Variants in PCDHGB5 observed in about 807,000 individuals in gnomAD.
PCDHGB5 encodes protocadherin gamma-B5.
PCDHGB5 carries 48 observed loss-of-function variants against 62.9 expected under a neutral mutation model. That is an observed-to-expected ratio of 0.76 (90% CI 0.61 to 0.97). The LOEUF (loss-of-function observed/expected upper bound fraction) is 0.97. PCDHGB5 is among the 50% of genes least tolerant of loss of function. The probability of loss-of-function intolerance (pLI) is 0.00; values close to 1 mark genes in which losing one functional copy is unlikely to be tolerated. For synonymous variants in PCDHGB5, 474 were observed against 511.2 expected, an observed-to-expected ratio of 0.93 and a Z score of 0.98; for missense variants, 1,118 against 1,198.6, an observed-to-expected ratio of 0.93 and a Z score of 0.99.
At chr5:141,500,887 T>C (rs557735403) in intron 2 of PCDHGB5, among the ~76,000 whole-genome samples, 1 of 95,622 alleles carries the variant, frequency 1.0e-5, no homozygotes, top group South Asian at 2.8e-4. Context: ...ATTTTTTTTT[T>C]TTGAGACAGT....
intron 1 of PCDHGB5, chr5:141,422,118 ACAAACTGGAGAAGTT>A (rs1243312753): frequency 6.2e-7 from 1 of 1,604,312 alleles, no homozygotes; most frequent in Non-Finnish European, 8.5e-7. Flanking sequence ...AATTGGATTC[ACAAACTGGAGAAGTT>A]CAAGTACGGG....
rs925034052 is a variant in PCDHGB5, at chr5:141,486,630, T to G, written c.2398-8177T>G. 2 of 1,613,690 alleles carry G rather than the reference T, an allele frequency of 1.2e-6. No individual in the cohort carries two copies. Among genetic ancestry groups the G allele is most frequent in the Non-Finnish European group, 1.7e-6 (2 of 1,180,028 alleles). ...GCAGCCTCTGACCCAGACTCTGGCTTGAATGCGCTTATCTCCTACTCACTC... is the reference window on the plus strand; with the variant it reads ...GCAGCCTCTGACCCAGACTCTGGCTGGAATGCGCTTATCTCCTACTCACTC... On this transcript the variant is annotated intron_variant, in intron 1 of 3. Coordinates refer to ENST00000617380, the MANE Select transcript of PCDHGB5 (RefSeq NM_018925.3). This position sits in a 1 kb window ranked among gnomAD's most constrained non-coding sequence, Gnocchi z 5.0.
intron 1 of PCDHGB5, chr5:141,410,789 A>C: frequency 1.3e-6 from 1 of 794,444 alleles, no homozygotes; most frequent in Non-Finnish European, 1.8e-6. Context: ...TATTTGGTTC[A>C]TAAGTTGCTC....
chr5:141,436,118 T>C (rs188307595), intron 1 of PCDHGB5, among the ~76,000 whole-genome samples: 5 of 152,310 alleles, frequency 3.3e-5, no homozygotes, highest in Admixed American at 2.0e-4. Flanking sequence ...ATGAAACCTC[T>C]CTCCTCCATC....
chr5:141,429,234 T>C (rs2097199038), intron 1 of PCDHGB5: 1 of 152,114 alleles, frequency 6.6e-6, no homozygotes, highest in African/African-American at 2.4e-5. Context: ...ATGATACTGC[T>C]GTCATTGAGA....
Position 141,414,827 on chromosome 5 carries a change from C to T in PCDHGB5, c.2397+14303C>T, listed in dbSNP as rs1253521902. On this transcript the variant is annotated intron_variant, in intron 1 of 3. Coordinates refer to ENST00000617380, the MANE Select transcript of PCDHGB5 (RefSeq NM_018925.3). Reference sequence around the variant, plus strand: ...GATCCTCCACTCAGCAGCAACGTGTCGTTGAGCCTGTTTGTGCTGGACCAG... The same window carrying T: ...GATCCTCCACTCAGCAGCAACGTGTTGTTGAGCCTGTTTGTGCTGGACCAG... 1.9e-6 allele frequency: 3 copies of T among 1,614,116 alleles called. No individual in the cohort carries two copies. Among genetic ancestry groups the T allele is most frequent in the African/African-American group, 1.3e-5 (1 of 74,946 alleles).
At chr5:141,427,838 C>T (rs978867590) in intron 1 of PCDHGB5, 4 of 1,546,186 alleles carry the variant, frequency 2.6e-6, no homozygotes, top group Non-Finnish European at 1.8e-6. Flanking sequence ...AGCGTGCCTT[C>T]GACCACGAGC....
intron 1 of PCDHGB5, among the ~76,000 whole-genome samples, chr5:141,456,818 G>A (rs1214373156): frequency 1.3e-5 from 2 of 151,890 alleles, no homozygotes; most frequent in Admixed American, 6.6e-5. Context: ...CAAAAAATTA[G>A]CCATCGTGGT....
At chr5:141,425,606 G>A (rs1419859039) in intron 1 of PCDHGB5, among the ~76,000 whole-genome samples, 1 of 152,156 alleles carries the variant, frequency 6.6e-6, no homozygotes, top group Non-Finnish European at 1.5e-5. Context: ...GCCCTATATA[G>A]CTTTCAGTGC....
intron 1 of PCDHGB5, among the ~76,000 whole-genome samples, chr5:141,443,537 T>C (rs986467958): frequency 6.6e-6 from 1 of 152,180 alleles, no homozygotes; most frequent in African/African-American, 2.4e-5. Flanking sequence ...ATTTAAAGCT[T>C]GGGAAATTGT....
intron 2 of PCDHGB5, among the ~76,000 whole-genome samples, chr5:141,501,049 A>G (rs1458722311): frequency 1.3e-5 from 2 of 151,844 alleles, no homozygotes; most frequent in African/African-American, 2.4e-5. Flanking sequence ...TTGTATTTTT[A>G]GTAGAGACGG....
At chr5:141,417,637 A>ATCCCTCAGCCTCTAGCCTGGGAT (rs2096141530) in intron 1 of PCDHGB5, 1 of 724,654 alleles carries the variant, frequency 1.4e-6, no homozygotes, top group Admixed American at 3.5e-5. Flanking sequence ...GACGCCGGGG[A>ATCCCTCAGCCTCTAGCCTGGGAT]TCCCTCAGCC....
chr5:141,404,177 A>C, intron 1 of PCDHGB5: 1 of 1,613,448 alleles, frequency 6.2e-7, no homozygotes, highest in Non-Finnish European at 8.5e-7. Context: ...GACGGCCCAA[A>C]TTCTTGACCG....
intron 1 of PCDHGB5, chr5:141,413,078 C>T: frequency 7.7e-7 from 1 of 1,301,152 alleles, no homozygotes; most frequent in Non-Finnish European, 1.1e-6. Flanking sequence ...AGTGCCCAGG[C>T]TACAGAGACA....
In PCDHGB5 at chr5:141,398,411, T is replaced by C. The variant is rs1346480691; in HGVS notation, c.284T>C (p.Ile95Thr). Residue 95 changes from isoleucine to threonine, a missense_variant, in exon 1 of 4, where the codon ATA (isoleucine) becomes ACA (threonine). Ile to Thr is a moderately conservative substitution (Grantham distance 89). Coordinates refer to ENST00000617380, the MANE Select transcript of PCDHGB5 (RefSeq NM_018925.3). ...LVSSRLDREE[I>T]CGKKPACALE... is the part of the protein sequence containing the mutation. ...AGCAGCAGGCTAGACAGGGAGGAGA[T>C]ATGCGGGAAGAAGCCAGCTTGTGCT... is the stretch of plus-strand genomic sequence containing the variant. 1 of 1,478,640 alleles carries C rather than the reference T, an allele frequency of 6.8e-7. No homozygotes were observed. Among genetic ancestry groups the C allele is most frequent in the South Asian group, 1.1e-5 (1 of 87,106 alleles). 91.6% of individuals were successfully genotyped at this position (1,478,640 alleles called of 1,614,324 possible). A position where few individuals can be genotyped will look rare whatever the true frequency, so the allele number is the denominator to read the frequency against.
At chr5:141,507,132 C>T (rs748716107) in intron 3 of PCDHGB5, 2 of 152,188 alleles carry the variant, frequency 1.3e-5, no homozygotes, top group African/African-American at 2.4e-5. Flanking sequence ...GATCCAGCCT[C>T]GGCTTCTCTA....
At chr5:141,472,980 C>CAAAAAAAA (rs60579131) in intron 1 of PCDHGB5, among the ~76,000 whole-genome samples, 7 of 86,098 alleles carry the variant, frequency 8.1e-5, no homozygotes, top group Admixed American at 1.2e-4. Context: ...GAGTGAAACT[C>CAAAAAAAA]AAAAAAAAAA....
chr5:141,495,122 C>T (rs1365586518), intron 2 of PCDHGB5, among the ~76,000 whole-genome samples: 2 of 152,282 alleles, frequency 1.3e-5, no homozygotes, highest in East Asian at 3.9e-4. Flanking sequence ...TTCCTATCCC[C>T]TGAGGGCACT....
chr5:141,404,215 G>A, intron 1 of PCDHGB5: 1 of 1,613,346 alleles, frequency 6.2e-7, no homozygotes, highest in Non-Finnish European at 8.5e-7. Context: ...ATAATATCAC[G>A]GTGACTGCAA....
Sources: gnomAD v4.1 joint callset for allele counts (sites outside exome capture counted in the v4.1 genomes callset) on GRCh38, gnomAD v4.1.1 for gene constraint, Gnocchi (gnomAD v3.1) non-coding constraint, MANE v1.5 for transcripts, NCBI Gene and HGNC (gene_info 2026-07-23, HGNC 2026-07-21) for gene names.